Variants in CFAP20DC observed in about 807,000 individuals in gnomAD.
The protein encoded by CFAP20DC is CFAP20 domain containing.
A neutral mutation model predicts 101.7 loss-of-function variants in CFAP20DC; 84 were observed. The ratio of observed to expected loss-of-function variants is 0.83; its 90% CI spans 0.69 to 0.99. The LOEUF is 0.99. Among genes scored for constraint, CFAP20DC ranks in the 50% least tolerant of loss-of-function variants. The probability of loss-of-function intolerance (pLI) is 0.00; values close to 1 mark genes in which losing one functional copy is unlikely to be tolerated. For missense variants in CFAP20DC, 1,007 were observed against 970.3 expected, an observed-to-expected ratio of 1.04 and a Z score of -0.50; for synonymous variants, 359 against 351.2, an observed-to-expected ratio of 1.02 and a Z score of -0.25.
chr3:59,044,637 A>C (rs1408269727), intron 3 of CFAP20DC, among the ~76,000 whole-genome samples: 2 of 152,132 alleles, frequency 1.3e-5, no homozygotes, highest in African/African-American at 4.8e-5. Context: ...TTCAGTCTTT[A>C]GTAGAGAAGG....
intron 6 of CFAP20DC, among the ~76,000 whole-genome samples, chr3:58,906,738 G>A (rs2083624439): frequency 1.3e-5 from 2 of 152,018 alleles, no homozygotes; most frequent in Non-Finnish European, 2.9e-5. Context: ...ACCAGCCTAG[G>A]GAACATAGTG....
At position 58,861,591 on chromosome 3, in the gene CFAP20DC, G is replaced by A. The variant is rs1464856778; in HGVS notation, c.1593+1967C>T. ...GGTATCATTACACATGCTAAAACTT[G>A]TTTAAATATAGCCTAGCATTTTTGT... On this transcript the variant is annotated intron_variant, in intron 12 of 16. Transcript: ENST00000482387. This position sits in a 1 kb window ranked among gnomAD's most constrained non-coding sequence, Gnocchi z 4.0. The A allele has an allele frequency of 2.0e-6, 2 of 985,014 alleles. No individual in the cohort carries two copies. The highest frequency in any genetic ancestry group is 1.2e-4 in the Admixed American group (2 of 16,256). 61.0% of individuals were successfully genotyped at this position (985,014 alleles called of 1,614,324 possible). A position where few individuals can be genotyped will look rare whatever the true frequency, so the allele number is the denominator to read the frequency against.
downstream of CFAP20DC, among the ~76,000 whole-genome samples, chr3:58,740,492 T>C (rs1031371263): frequency 6.6e-6 from 1 of 152,170 alleles, no homozygotes; most frequent in Non-Finnish European, 1.5e-5. The surrounding 1 kb of genome is among the most constrained non-coding windows in gnomAD (Gnocchi z 4.6). Flanking sequence ...GCTGCTCTGA[T>C]GTCTGTGCCT....
intron 4 of CFAP20DC, among the ~76,000 whole-genome samples, chr3:58,990,382 G>A (rs535499499): frequency 2.0e-4 from 30 of 152,158 alleles, no homozygotes; most frequent in African/African-American, 6.3e-4. Flanking sequence ...AAAAATGCCC[G>A]GTTTTTGTCT....
chr3:58,863,786 C>A lies in CFAP20DC; in HGVS notation c.1365G>T (p.Leu455=). ...DDSCNPSHLW[L]EASKESEHDQ... ...CGTGTTCACTCTCTTTGCTGGCTTC[C>A]AGCCACAGGTGTGATGGGTTGCAGG... The change falls in exon 12 of 17, where the codon CTG becomes CTT. Residue 455 remains leucine, a synonymous_variant. Coordinates refer to ENST00000482387, the MANE Select transcript of CFAP20DC (RefSeq NM_001394063.1). This position sits in a 1 kb window ranked among gnomAD's most constrained non-coding sequence, Gnocchi z 5.9. The A allele has an allele frequency of 6.2e-7, 1 of 1,614,220 alleles. No homozygotes were observed. The highest frequency in any genetic ancestry group is 8.5e-7 in the Non-Finnish European group (1 of 1,180,036).
intron 13 of CFAP20DC, among the ~76,000 whole-genome samples, chr3:58,837,859 C>G (rs1033035166): frequency 6.6e-6 from 1 of 152,140 alleles, no homozygotes; most frequent in African/African-American, 2.4e-5. Context: ...CATTTGAATT[C>G]GAGGATTAAT....
chr3:58,819,153 G>A (rs943579775), intron 14 of CFAP20DC, among the ~76,000 whole-genome samples: 2 of 146,212 alleles, frequency 1.4e-5, no homozygotes, highest in African/African-American at 5.2e-5. Flanking sequence ...TGTGTAGAGG[G>A]AAATTTATAG....
chr3:58,853,569 G>T (rs1320138070), intron 12 of CFAP20DC, among the ~76,000 whole-genome samples: 2 of 151,932 alleles, frequency 1.3e-5, no homozygotes, highest in Non-Finnish European at 1.5e-5. Flanking sequence ...GATGAACATT[G>T]ATGCAAAAAT....
chr3:58,892,000 G>A (rs772651690), intron 6 of CFAP20DC, among the ~76,000 whole-genome samples: 39 of 152,130 alleles, frequency 2.6e-4, no homozygotes, highest in Non-Finnish European at 5.4e-4. Context: ...ATCTTGAGTT[G>A]ATTTTTGTAT....
rs759927163 is a variant in CFAP20DC, at chr3:58,753,813, G to A, written c.2288C>T (p.Pro763Leu). 8 of 1,612,708 alleles carry A rather than the reference G, an allele frequency of 5.0e-6. No individual in the cohort carries two copies. The highest frequency in any genetic ancestry group is 2.2e-5 in the East Asian group (1 of 44,866). ...SPPIVPPSQQ[P>L]AEQRPDSCES... ...ACAGGAATCTGGACGCTGCTCAGCC[G>A]GCTGTTGACTGGGAGGAACGATTGG... The change falls in exon 16 of 17, where the codon CCG (proline) becomes CTG (leucine). Residue 763 changes from proline to leucine, a missense_variant. Coordinates refer to ENST00000482387, the MANE Select transcript of CFAP20DC (RefSeq NM_001394063.1).
At chr3:58,999,105 G>A (rs1022905950) in intron 4 of CFAP20DC, among the ~76,000 whole-genome samples, 9 of 152,218 alleles carry the variant, frequency 5.9e-5, no homozygotes, top group African/African-American at 2.2e-4. Context: ...GAAGAAAGCA[G>A]ATCAGCAGTC....
chr3:58,791,186 A>G (rs2072817898), intron 15 of CFAP20DC, among the ~76,000 whole-genome samples: 1 of 151,862 alleles, frequency 6.6e-6, no homozygotes, highest in Admixed American at 6.6e-5. Flanking sequence ...TGATTCTGTT[A>G]AAGTATGATT....
intron 13 of CFAP20DC, among the ~76,000 whole-genome samples, chr3:58,840,982 T>C (rs2108173392): frequency 6.6e-6 from 1 of 152,376 alleles, no homozygotes; most frequent in South Asian, 2.1e-4. Flanking sequence ...CCACTGCTTT[T>C]GACTTTTCAG....
chr3:58,731,023 T>C (rs933373525), intron 3 of CFAP20DC, among the ~76,000 whole-genome samples: 1 of 152,176 alleles, frequency 6.6e-6, no homozygotes, highest in East Asian at 1.9e-4. Flanking sequence ...TATTTGTTTA[T>C]TAAATGCAAC....
At chr3:58,852,844 G>C (rs565544666) in intron 12 of CFAP20DC, among the ~76,000 whole-genome samples, 134 of 150,896 alleles carry the variant, frequency 8.9e-4, no homozygotes, top group African/African-American at 2.7e-3. Flanking sequence ...AGTGTGTAGA[G>C]GGAAATTTAT....
chr3:58,768,588 C>G (rs932130614), intron 15 of CFAP20DC, among the ~76,000 whole-genome samples: 2 of 152,342 alleles, frequency 1.3e-5, no homozygotes, highest in South Asian at 2.1e-4. Context: ...CTCCCATGCT[C>G]TTCCTCTAGC....
At position 58,892,863 on chromosome 3, in the gene CFAP20DC, C is replaced by G. The variant is rs1169143732; in HGVS notation, c.551-8154G>C. The stretch of plus-strand genomic sequence containing the variant: ...ATTGTCCTCGCCAGAACTTCCAATA[C>G]TATATTGCATAGGAGTGGTGAGAGA... On this transcript the variant is annotated intron_variant, in intron 6 of 16. Coordinates refer to ENST00000482387, the MANE Select transcript of CFAP20DC (RefSeq NM_001394063.1). This position sits in a 1 kb window ranked among gnomAD's most constrained non-coding sequence, Gnocchi z 4.0. Among the ~76,000 whole-genome samples the G allele has an allele frequency of 6.6e-6, 1 of 152,124 alleles. No individual in the cohort carries two copies. Among genetic ancestry groups the G allele is most frequent in the East Asian group, 1.9e-4 (1 of 5,196 alleles).
Position 58,732,112 on chromosome 3 carries a change from G to C in CFAP20DC, c.198-14484C>G, listed in dbSNP as rs897534367. Among the ~76,000 whole-genome samples, 1 of 152,100 alleles carries C rather than the reference G, an allele frequency of 6.6e-6. No homozygotes were observed. Among genetic ancestry groups the C allele is most frequent in the African/African-American group, 2.4e-5 (1 of 41,412 alleles). ...GTTGTGCTGACAATAAAGATGATGA[G>C]GACAATCATCAAGAGAGTCATTTCA... On this transcript the variant is annotated intron_variant, in intron 3 of 3. Coordinates refer to the CFAP20DC transcript ENST00000486145. The surrounding 1 kb of genome is among the most constrained non-coding windows in gnomAD (Gnocchi z 5.4).
chr3:58,771,683 C>T (rs1291797074), intron 15 of CFAP20DC, among the ~76,000 whole-genome samples: 1 of 152,170 alleles, frequency 6.6e-6, no homozygotes, highest in Non-Finnish European at 1.5e-5. Context: ...GGAGAACATT[C>T]TTATCACCAG....
Sources: allele counts gnomAD v4.1 joint callset (sites outside exome capture counted in the v4.1 genomes callset), GRCh38; gene constraint gnomAD v4.1.1; non-coding constraint Gnocchi (gnomAD v3.1); transcripts MANE v1.5; gene names NCBI Gene and HGNC (gene_info 2026-07-23, HGNC 2026-07-21).